AMBRA1: variants seen among roughly 807,000 people sequenced by gnomAD.
AMBRA1 encodes activating molecule in BECN1-regulated autophagy protein 1.
A neutral mutation model predicts 125.4 loss-of-function variants in AMBRA1; 47 were observed. The ratio of observed to expected loss-of-function variants is 0.37; its 90% CI spans 0.30 to 0.48. The LOEUF (loss-of-function observed/expected upper bound fraction) is 0.48. Among genes scored for constraint, AMBRA1 ranks in the 20% least tolerant of loss-of-function variants. AMBRA1 has a pLI of 0.99. For missense variants in AMBRA1, 1,331 were observed against 1,693.4 expected (o/e 0.79, Z 3.76); for synonymous variants, 626 against 655.5 (o/e 0.95, Z 0.69).
At chr11:46,537,305 TGAAACGGAG>T (rs1386517370) in intron 7 of AMBRA1, among the ~76,000 whole-genome samples, 2 of 152,320 alleles carry the variant, frequency 1.3e-5, no homozygotes, top group East Asian at 1.9e-4. Flanking sequence ...TTATTTCAAA[TGAAACGGAG>T]GAAAGGGTGC....
At chr11:46,520,864 C>T (rs371710597) in intron 7 of AMBRA1, among the ~76,000 whole-genome samples, 2 of 152,112 alleles carry the variant, frequency 1.3e-5, no homozygotes, top group African/African-American at 4.8e-5. Context: ...CTCGGCCTCC[C>T]AAAGTGTTGG....
At chr11:46,403,570 C>G (rs754047733) in intron 17 of AMBRA1, among the ~76,000 whole-genome samples, 1 of 152,204 alleles carries the variant, frequency 6.6e-6, no homozygotes, top group Admixed American at 6.5e-5. Flanking sequence ...TGGAAGCCAA[C>G]GGTGAGCCCA....
At chr11:46,404,139 T>G (rs1945891877) in intron 17 of AMBRA1, among the ~76,000 whole-genome samples, 1 of 152,190 alleles carries the variant, frequency 6.6e-6, no homozygotes, top group Non-Finnish European at 1.5e-5. Flanking sequence ...CAGTGAGCCG[T>G]GTTCGTGTCA....
At position 46,402,939 on chromosome 11, in the gene AMBRA1, C is replaced by A. The variant is rs1252899470; in HGVS notation, c.3404-4996G>T. Among the ~76,000 whole-genome samples the A allele has an allele frequency of 3.3e-5, 5 of 152,306 alleles. No homozygotes were observed. In the East Asian group the frequency reaches 9.6e-4, roughly 29 times the overall value. On this transcript the variant is annotated intron_variant, in intron 17 of 17. Coordinates refer to ENST00000683756, the MANE Select transcript of AMBRA1 (RefSeq NM_001387011.1). ...CAAGGCTAAGAGCAACTGAGGAGAG[C>A]TGGCACATTCTTCAAGAGAAAAAAT...
intron 1 of AMBRA1, among the ~76,000 whole-genome samples, chr11:46,570,261 C>CAAA (rs200875374): frequency 2.1e-4 from 3 of 14,286 alleles, no homozygotes; most frequent in Non-Finnish European, 2.8e-4. Flanking sequence ...GACCATGTCT[C>CAAA]AAAAAAAAAA....
intron 1 of AMBRA1, among the ~76,000 whole-genome samples, chr11:46,574,590 C>T (rs1047339017): frequency 6.6e-5 from 10 of 151,820 alleles, no homozygotes; most frequent in South Asian, 2.1e-4. Flanking sequence ...GAGTAGGTTG[C>T]GAAAGTTTGC....
chr11:46,561,583 G>C (rs1240935347), intron 1 of AMBRA1, among the ~76,000 whole-genome samples: 1 of 152,106 alleles, frequency 6.6e-6, no homozygotes, highest in African/African-American at 2.4e-5. Flanking sequence ...TTTTCCTTCA[G>C]ATAGTACCAG....
At chr11:46,485,040 C>T (rs1206276068) in intron 11 of AMBRA1, among the ~76,000 whole-genome samples, 1 of 150,334 alleles carries the variant, frequency 6.7e-6, no homozygotes, top group Non-Finnish European at 1.5e-5. Flanking sequence ...CGGGTTCAAG[C>T]GATTCTCCTG....
chr11:46,494,958 G>A (rs780359173), intron 9 of AMBRA1: 2 of 152,190 alleles, frequency 1.3e-5, no homozygotes, highest in Non-Finnish European at 2.9e-5. Context: ...GCTAGGCCAC[G>A]AAGTATTATT....
intron 11 of AMBRA1, among the ~76,000 whole-genome samples, chr11:46,492,586 T>G (rs774054584): frequency 6.6e-6 from 1 of 151,978 alleles, no homozygotes; most frequent in Non-Finnish European, 1.5e-5. Flanking sequence ...GGGAGGGAGG[T>G]AGGGAAAGAC....
chr11:46,507,866 G>A (rs1417303182), intron 9 of AMBRA1, among the ~76,000 whole-genome samples: 1 of 152,164 alleles, frequency 6.6e-6, no homozygotes, highest in South Asian at 2.1e-4. Flanking sequence ...CAGTCCATGA[G>A]AAGCTTTCCA....
intron 11 of AMBRA1, among the ~76,000 whole-genome samples, chr11:46,487,896 T>G (rs1407408315): frequency 6.6e-6 from 1 of 151,958 alleles, no homozygotes; most frequent in Non-Finnish European, 1.5e-5. Context: ...CAAGCTCCAA[T>G]CATATGCTTT....
chr11:46,433,633 G>A lies in AMBRA1; in HGVS notation c.2822-5C>T, dbSNP rs375574290. ...TCACCGAAATGGCATTGGGACCTGAGGGCCAACAAAACAGAGAAATATTTC... is the reference window on the plus strand; with the variant it reads ...TCACCGAAATGGCATTGGGACCTGAAGGCCAACAAAACAGAGAAATATTTC... On this transcript the variant is annotated splice_region_variant and splice_polypyrimidine_tract_variant and intron_variant, in intron 13 of 17. Coordinates refer to ENST00000683756, the MANE Select transcript of AMBRA1 (RefSeq NM_001387011.1). 6.2e-7 allele frequency: 1 copy of A among 1,611,850 alleles called. No homozygotes were observed. Among genetic ancestry groups the A allele is most frequent in the South Asian group, 1.1e-5 (1 of 90,948 alleles).
chr11:46,477,765 C>T (rs1949879641), intron 11 of AMBRA1, among the ~76,000 whole-genome samples: 1 of 152,004 alleles, frequency 6.6e-6, no homozygotes, highest in South Asian at 2.1e-4. Context: ...AAAAGTACAT[C>T]AAGGAAGTCC....
chr11:46,562,126 C>T (rs2043359563), intron 1 of AMBRA1, among the ~76,000 whole-genome samples: 1 of 152,140 alleles, frequency 6.6e-6, no homozygotes, highest in South Asian at 2.1e-4. Context: ...ACAACACACC[C>T]TTTTACCTGG....
chr11:46,572,344 C>T (rs1378980927), intron 1 of AMBRA1, among the ~76,000 whole-genome samples: 1 of 152,122 alleles, frequency 6.6e-6, no homozygotes, highest in African/African-American at 2.4e-5. Flanking sequence ...ATAAGACTCA[C>T]TAAGGGCATC....
chr11:46,435,789 A>T (rs376313985), intron 12 of AMBRA1, among the ~76,000 whole-genome samples: 2 of 152,248 alleles, frequency 1.3e-5, no homozygotes, highest in Non-Finnish European at 2.9e-5. Context: ...AGGTGGCAAG[A>T]TCTGAGGGTG....
At chr11:46,465,480 C>T (rs553927807) in intron 11 of AMBRA1, among the ~76,000 whole-genome samples, 2 of 152,110 alleles carry the variant, frequency 1.3e-5, no homozygotes, top group South Asian at 2.1e-4. Context: ...AAGTTTTTAC[C>T]ATATTTTCTC....
chr11:46,459,778 T>C (rs1949019734), intron 11 of AMBRA1, among the ~76,000 whole-genome samples: 1 of 145,180 alleles, frequency 6.9e-6, no homozygotes, highest in African/African-American at 2.6e-5. Context: ...ACACACACCC[T>C]GGAATACCAC....
Sources: gnomAD v4.1 joint callset for allele counts (sites outside exome capture counted in the v4.1 genomes callset) on GRCh38, gnomAD v4.1.1 for gene constraint, MANE v1.5 for transcripts, NCBI Gene and HGNC (gene_info 2026-07-23, HGNC 2026-07-21) for gene names.